EXOC4: variants seen among roughly 807,000 people sequenced by gnomAD.
EXOC4 encodes the protein exocyst complex component 4.
A neutral mutation model predicts 107.2 loss-of-function variants in EXOC4; 71 were observed. The observed-to-expected ratio is 0.66, with a 90% CI of 0.55 to 0.81. EXOC4 has a LOEUF of 0.81. EXOC4 is among the 30% of genes least tolerant of loss of function. EXOC4 has a pLI of 0.00. For missense variants in EXOC4, 1,108 were observed against 1,189.6 expected (o/e 0.93, Z 1.01); for synonymous variants, 456 against 441.2 (o/e 1.03, Z -0.42).
intron 10 of EXOC4, among the ~76,000 whole-genome samples, chr7:133,672,858 G>T (rs1276671390): frequency 6.6e-6 from 1 of 152,172 alleles, no homozygotes; most frequent in African/African-American, 2.4e-5. Flanking sequence ...TCTTATCCCA[G>T]GCCCTAGCAA....
At chr7:133,334,214 C>G (rs1015837747) in intron 5 of EXOC4, among the ~76,000 whole-genome samples, 3 of 152,188 alleles carry the variant, frequency 2.0e-5, no homozygotes, top group Non-Finnish European at 4.4e-5. Flanking sequence ...GGCAATGTCA[C>G]TTTTCCATCT....
intron 11 of EXOC4, among the ~76,000 whole-genome samples, chr7:133,823,863 A>T (rs1469730088): frequency 1.8e-4 from 3 of 17,046 alleles, no homozygotes; most frequent in Admixed American, 1.2e-3. Context: ...ATATATATAT[A>T]TATATATATT....
intron 10 of EXOC4, among the ~76,000 whole-genome samples, chr7:133,672,912 A>G (rs1793979309): frequency 6.6e-6 from 1 of 152,220 alleles, no homozygotes; most frequent in Non-Finnish European, 1.5e-5. Context: ...ACAATGCTGA[A>G]CAAATTAATG....
At chr7:133,523,231 G>A (rs189642334) in intron 9 of EXOC4, among the ~76,000 whole-genome samples, 65 of 152,258 alleles carry the variant, frequency 4.3e-4, no homozygotes, top group African/African-American at 1.5e-3. Flanking sequence ...AAGATAACCA[G>A]CTAGTTCTGT....
chr7:133,514,203 C>A (rs1399628851), intron 9 of EXOC4, among the ~76,000 whole-genome samples: 1 of 151,160 alleles, frequency 6.6e-6, no homozygotes. Flanking sequence ...CTCGCTCTGT[C>A]GCCCAGGCTG....
intron 11 of EXOC4, among the ~76,000 whole-genome samples, chr7:133,878,713 G>A (rs976222859): frequency 6.6e-6 from 1 of 151,646 alleles, no homozygotes; most frequent in East Asian, 1.9e-4. Flanking sequence ...CTTTCATTTT[G>A]TTTTTTTTAT....
chr7:133,551,074 C>T (rs964180947), intron 9 of EXOC4, among the ~76,000 whole-genome samples: 1 of 152,146 alleles, frequency 6.6e-6, no homozygotes, highest in Admixed American at 6.6e-5. Flanking sequence ...ATAGCTCCCA[C>T]ACTATTCTAA....
In EXOC4 at chr7:133,826,800, C is replaced by T. The variant is rs193189235; in HGVS notation, c.1734+9256C>T. Among the ~76,000 whole-genome samples the T allele has an allele frequency of 2.4e-3, 364 of 152,130 alleles. 5 individuals carry two copies. The highest frequency in any genetic ancestry group is 8.2e-3 in the African/African-American group (340 of 41,488). On this transcript the variant is annotated intron_variant, in intron 11 of 17. Transcript: ENST00000253861. ...GTATAAGAACCTGGCAATATTTTTT[C>T]CCCAGTTTATCACAAAGATGTTTTA... is the stretch of plus-strand genomic sequence containing the variant.
chr7:133,602,771 C>T (rs1332798767), intron 9 of EXOC4, among the ~76,000 whole-genome samples: 1 of 152,200 alleles, frequency 6.6e-6, no homozygotes, highest in Non-Finnish European at 1.5e-5. Context: ...GGCCTTTCTT[C>T]TTGACAGGTG....
intron 9 of EXOC4, among the ~76,000 whole-genome samples, chr7:133,491,669 A>G (rs1236989080): frequency 2.0e-5 from 3 of 152,222 alleles, no homozygotes; most frequent in African/African-American, 7.2e-5. Context: ...TTCTGCGTGC[A>G]GAGGGGTTCT....
the EXOC4 span, among the ~76,000 whole-genome samples, chr7:134,079,586 G>A: frequency 6.6e-6 from 1 of 152,186 alleles, no homozygotes; most frequent in Non-Finnish European, 1.5e-5. Flanking sequence ...CCTCTGGAGA[G>A]TGTGTTCTGG....
At chr7:133,846,423 G>C (rs1275110280) in intron 11 of EXOC4, among the ~76,000 whole-genome samples, 2 of 152,130 alleles carry the variant, frequency 1.3e-5, no homozygotes, top group Admixed American at 1.3e-4. Flanking sequence ...TGCATCCCAC[G>C]GTTGGTACTC....
chr7:133,928,103 A>G, intron 13 of EXOC4, among the ~76,000 whole-genome samples: 1 of 152,310 alleles, frequency 6.6e-6, no homozygotes, highest in South Asian at 2.1e-4. Flanking sequence ...ATTTTTATTT[A>G]ATTTTAGATA....
At chr7:134,050,822 GT>G (rs900948510) in intron 17 of EXOC4, among the ~76,000 whole-genome samples, 135 of 149,480 alleles carry the variant, frequency 9.0e-4, no homozygotes, top group Middle Eastern at 3.4e-3. Flanking sequence ...AACACACAAG[GT>G]TTTTTTTTTA....
chr7:133,537,306 C>A (rs7782957), intron 9 of EXOC4, among the ~76,000 whole-genome samples: 64,837 of 147,814 alleles, frequency 0.44, 14,935 homozygotes, highest in East Asian at 0.62. Flanking sequence ...ACCCCCCCCC[C>A]CACCACACCT....
chr7:133,681,239 A>C (rs528015713), intron 10 of EXOC4, among the ~76,000 whole-genome samples: 37 of 152,172 alleles, frequency 2.4e-4, no homozygotes, highest in Admixed American at 6.5e-5. Context: ...ATAAACTTAC[A>C]AAGAATCAAT....
chr7:133,562,053 C>T (rs1800814804), intron 9 of EXOC4, among the ~76,000 whole-genome samples: 1 of 152,206 alleles, frequency 6.6e-6, no homozygotes, highest in South Asian at 2.1e-4. Flanking sequence ...CATAACAACT[C>T]AGCTCTTGTT....
chr7:133,820,207 T>TA (rs1034537745), intron 11 of EXOC4, among the ~76,000 whole-genome samples: 6 of 149,446 alleles, frequency 4.0e-5, no homozygotes, highest in African/African-American at 1.2e-4. Flanking sequence ...TTTTTTTCAT[T>TA]AAAAAAATTT....
At chr7:133,501,538 G>A (rs773440152) in intron 9 of EXOC4, among the ~76,000 whole-genome samples, 53 of 152,276 alleles carry the variant, frequency 3.5e-4, no homozygotes, top group Non-Finnish European at 6.5e-4. Flanking sequence ...ATGTCAGTCA[G>A]AAACAGAGAG....
Sources: allele counts gnomAD v4.1 joint callset (sites outside exome capture counted in the v4.1 genomes callset), GRCh38; gene constraint gnomAD v4.1.1; transcripts MANE v1.5; gene names NCBI Gene and HGNC (gene_info 2026-07-23, HGNC 2026-07-21).